Variants in CAMTA1 observed in about 807,000 individuals in gnomAD.
The protein encoded by CAMTA1 is calmodulin binding transcription activator 1, also known as calmodulin-binding transcription activator 1.
CAMTA1 carries 27 observed loss-of-function variants against 170.9 expected under a neutral mutation model. That is an observed-to-expected ratio of 0.16 (90% confidence interval 0.12 to 0.22). The LOEUF is 0.22. CAMTA1 is among the 10% of genes least tolerant of loss of function. The pLI, the probability that CAMTA1 is intolerant of heterozygous loss-of-function variation, is 1.00. For missense variants in CAMTA1, 1,619 were observed against 2,217.2 expected (o/e 0.73, Z 5.42); for synonymous variants, 833 against 891.5 (o/e 0.93, Z 1.17).
chr1:6,870,259 G>A (rs1283295615), intron 3 of CAMTA1, among the ~76,000 whole-genome samples: 1 of 151,850 alleles, frequency 6.6e-6, no homozygotes, highest in Non-Finnish European at 1.5e-5. Context: ...GCATGCCTCC[G>A]AGCAACAAAC....
chr1:6,975,380 G>C (rs1159942270), intron 3 of CAMTA1, among the ~76,000 whole-genome samples: 36 of 152,168 alleles, frequency 2.4e-4, no homozygotes, highest in Non-Finnish European at 2.9e-5. Context: ...TGCTTTGTTT[G>C]TTGTTATTGT....
chr1:6,805,881 T>C (rs1644455156), intron 1 of CAMTA1, among the ~76,000 whole-genome samples: 1 of 152,146 alleles, frequency 6.6e-6, no homozygotes, highest in Non-Finnish European at 1.5e-5. Flanking sequence ...ATCTGTTTTT[T>C]TGTTTTTTTT....
At chr1:7,365,734 T>C (rs1156489891) in intron 5 of CAMTA1, among the ~76,000 whole-genome samples, 1 of 152,206 alleles carries the variant, frequency 6.6e-6, no homozygotes, top group Admixed American at 6.5e-5. Flanking sequence ...AGACTTCAGC[T>C]CTGGCTTTTT....
At chr1:7,372,774 A>T (rs2086574567) in intron 5 of CAMTA1, among the ~76,000 whole-genome samples, 1 of 152,202 alleles carries the variant, frequency 6.6e-6, no homozygotes, top group African/African-American at 2.4e-5. Flanking sequence ...GAGAGATGAG[A>T]CACGTGGCTT....
chr1:7,280,033 C>G (rs1671287828), intron 5 of CAMTA1, among the ~76,000 whole-genome samples: 1 of 152,218 alleles, frequency 6.6e-6, no homozygotes, highest in South Asian at 2.1e-4. Context: ...GCTGGTAGAA[C>G]TTGCAGCATC....
At chr1:7,025,326 A>C (rs1023775560) in intron 3 of CAMTA1, among the ~76,000 whole-genome samples, 1 of 152,226 alleles carries the variant, frequency 6.6e-6, no homozygotes, top group Non-Finnish European at 1.5e-5. Flanking sequence ...CCTGGCCATG[A>C]AGTTGTACTG....
chr1:7,340,402 CCCAG>C (rs1375954606), intron 5 of CAMTA1, among the ~76,000 whole-genome samples: 2 of 152,054 alleles, frequency 1.3e-5, no homozygotes, highest in Non-Finnish European at 2.9e-5. Flanking sequence ...AGCCAGATTC[CCCAG>C]AGGAGCAATA....
Position 7,067,546 on chromosome 1 carries a change from G to A in CAMTA1, c.235-23758G>A, listed in dbSNP as rs1489128474. 6.6e-6 allele frequency among the ~76,000 whole-genome samples: 1 copy of A among 152,190 alleles called. No homozygotes were observed. Among genetic ancestry groups the A allele is most frequent in the African/African-American group, 2.4e-5 (1 of 41,444 alleles). The stretch of plus-strand genomic sequence containing the variant: ...TTCAACAAATATTTGAGTATCTGCT[G>A]CATGCTGGGAACCATGTTCCTTGCA... On this transcript the variant is annotated intron_variant, in intron 3 of 22. Transcript: ENST00000303635. This position sits in a 1 kb window ranked among gnomAD's most constrained non-coding sequence, Gnocchi z 4.3.
chr1:7,584,447 G>A (rs771339042), intron 6 of CAMTA1, among the ~76,000 whole-genome samples: 4 of 152,098 alleles, frequency 2.6e-5, no homozygotes, highest in Non-Finnish European at 4.4e-5. Flanking sequence ...CTAAGCTGAC[G>A]GCAGGATTGT....
chr1:7,586,662 C>A (rs537910280), intron 6 of CAMTA1, among the ~76,000 whole-genome samples: 1 of 152,266 alleles, frequency 6.6e-6, no homozygotes, highest in South Asian at 2.1e-4. Context: ...AGAAGCATAC[C>A]CCCGCCTGGG....
intron 5 of CAMTA1, among the ~76,000 whole-genome samples, chr1:7,340,622 A>G (rs903803837): frequency 7.3e-6 from 1 of 136,400 alleles, no homozygotes; most frequent in East Asian, 2.2e-4. Context: ...CTATCCATTT[A>G]TGCATTAATT....
At chr1:7,217,575 T>C (rs1244733282) in intron 4 of CAMTA1, among the ~76,000 whole-genome samples, 1 of 152,182 alleles carries the variant, frequency 6.6e-6, no homozygotes, top group African/African-American at 2.4e-5. Flanking sequence ...TATGTTCTAC[T>C]TGCTGTACTT....
In CAMTA1 at chr1:7,618,368, G is replaced by A. The variant is rs75024615; in HGVS notation, c.511-22032G>A. Among the ~76,000 whole-genome samples the A allele has an allele frequency of 7.7e-3, 1,176 of 152,282 alleles. 14 individuals carry two copies. Among genetic ancestry groups the A allele is most frequent in the African/African-American group, 0.027 (1,118 of 41,552 alleles). On this transcript the variant is annotated intron_variant, in intron 6 of 22. Coordinates refer to ENST00000303635, the MANE Select transcript of CAMTA1 (RefSeq NM_015215.4). ...CCCAGGAGAACCACTTTCTAGGATC[G>A]GGAGGCCCTCTTTTCCCAATTCTAT...
intron 4 of CAMTA1, among the ~76,000 whole-genome samples, chr1:7,221,025 C>T (rs950294624): frequency 6.6e-6 from 1 of 152,166 alleles, no homozygotes. Flanking sequence ...CTAGAGCCCA[C>T]CAGGTGGGAG....
At chr1:6,962,026 C>T (rs1690511330) in intron 3 of CAMTA1, among the ~76,000 whole-genome samples, 1 of 152,242 alleles carries the variant, frequency 6.6e-6, no homozygotes, top group Non-Finnish European at 1.5e-5. Context: ...CAAGCCCCCT[C>T]AGCCTCCGGG....
rs70984036 is a variant in CAMTA1, at chr1:6,904,733, A to ATTTTT, written c.234+79551_234+79555dup. 6.5e-3 allele frequency among the ~76,000 whole-genome samples: 459 copies of ATTTTT among 70,976 alleles called. 5 individuals carry two copies. The highest frequency in any genetic ancestry group is 9.8e-3 in the Non-Finnish European group (411 of 41,842). 46.6% of individuals were successfully genotyped at this position (70,976 alleles called of 152,430 possible). On this transcript the variant is annotated intron_variant, in intron 3 of 22. Coordinates refer to ENST00000303635, the MANE Select transcript of CAMTA1 (RefSeq NM_015215.4). ...AGGCATGCGCCACCATGCCCAGCTA[A>ATTTTT]TTTTTTTTTTTTTTTTTTTTTTTTT...
intron 5 of CAMTA1, among the ~76,000 whole-genome samples, chr1:7,294,915 A>G (rs1673701627): frequency 6.6e-6 from 1 of 151,706 alleles, no homozygotes; most frequent in Admixed American, 6.6e-5. Flanking sequence ...CTGCCCCGTG[A>G]CTCCCGACTC....
chr1:7,684,623 C>G (rs151253727), intron 11 of CAMTA1, among the ~76,000 whole-genome samples: 1 of 152,206 alleles, frequency 6.6e-6, no homozygotes, highest in Non-Finnish European at 1.5e-5. Flanking sequence ...TGTGTCCCTA[C>G]TTTCTTTTAA....
chr1:7,440,762 C>T (rs1242885633), intron 5 of CAMTA1, among the ~76,000 whole-genome samples: 1 of 152,240 alleles, frequency 6.6e-6, no homozygotes, highest in African/African-American at 2.4e-5. Context: ...CTTGCTCCCA[C>T]TCTCCGTGGC....
Sources: allele counts gnomAD v4.1 joint callset (sites outside exome capture counted in the v4.1 genomes callset), GRCh38; gene constraint gnomAD v4.1.1; non-coding constraint Gnocchi (gnomAD v3.1); transcripts MANE v1.5; gene names NCBI Gene and HGNC (gene_info 2026-07-23, HGNC 2026-07-21).